The following DOK6 variants were observed in gnomAD, a reference collection of about 807,000 sequenced individuals.
DOK6 encodes the protein downstream of tyrosine kinase 6.
A neutral mutation model predicts 44.0 loss-of-function variants in DOK6; 22 were observed. The observed-to-expected ratio is 0.50, with a 90% CI of 0.36 to 0.71. The LOEUF (loss-of-function observed/expected upper bound fraction) is 0.71. Ranked by LOEUF, DOK6 falls within the 30% of genes least tolerant of loss-of-function variation. The pLI is 0.00. For missense variants in DOK6, 340 were observed against 416.4 expected (o/e 0.82, Z 1.60); for synonymous variants, 166 against 145.5 (o/e 1.14, Z -1.01).
intron 1 of DOK6, among the ~76,000 whole-genome samples, chr18:69,473,107 T>C (rs1287829245): frequency 2.6e-5 from 4 of 152,216 alleles, no homozygotes; most frequent in African/African-American, 9.7e-5. Context: ...TTAATATTTT[T>C]TTATTTTGCA....
intron 1 of DOK6, among the ~76,000 whole-genome samples, chr18:69,402,069 G>C (rs928223280): frequency 6.6e-6 from 1 of 152,162 alleles, no homozygotes; most frequent in African/African-American, 2.4e-5. Flanking sequence ...GGGAGGCAGC[G>C]GGACAGGAGG....
chr18:69,824,447 AATCCTCCT>A (rs1981682467), intron 7 of DOK6, among the ~76,000 whole-genome samples: 1 of 82,896 alleles, frequency 1.2e-5, no homozygotes, highest in Non-Finnish European at 2.8e-5. Context: ...GGGCTCAAGC[AATCCTCCT>A]GCGCTCAAGC....
intron 2 of DOK6, among the ~76,000 whole-genome samples, chr18:69,586,053 G>A (rs938206500): frequency 6.6e-6 from 1 of 152,086 alleles, no homozygotes; most frequent in Non-Finnish European, 1.5e-5. Context: ...AGCAATCCTG[G>A]CCAACTCATG....
At chr18:69,822,144 G>A (rs1242286551) in intron 7 of DOK6, among the ~76,000 whole-genome samples, 1 of 152,114 alleles carries the variant, frequency 6.6e-6, no homozygotes, top group Non-Finnish European at 1.5e-5. Context: ...AGGAATGATG[G>A]CACTGAAACT....
At chr18:69,601,931 A>G (rs1568307950) in intron 3 of DOK6, among the ~76,000 whole-genome samples, 1 of 152,356 alleles carries the variant, frequency 6.6e-6, no homozygotes, top group East Asian at 1.9e-4. Flanking sequence ...AACAATTTGA[A>G]TACTAAAATA....
At chr18:69,524,777 A>G (rs1332210428) in intron 1 of DOK6, among the ~76,000 whole-genome samples, 3 of 151,876 alleles carry the variant, frequency 2.0e-5, no homozygotes, top group Non-Finnish European at 4.4e-5. Context: ...AAACAAAGTA[A>G]TTGTCCAGTA....
intron 1 of DOK6, 64 bp downstream of exon 1, chr18:69,401,374 G>GA: frequency 7.0e-7 from 1 of 1,421,768 alleles, no homozygotes; most frequent in Admixed American, 2.5e-5. Flanking sequence ...CTGCCTGGGG[G>GA]GGGGGCAGGG....
At chr18:69,772,617 G>A (rs1377947079) in intron 7 of DOK6, among the ~76,000 whole-genome samples, 1 of 152,024 alleles carries the variant, frequency 6.6e-6, no homozygotes, top group Non-Finnish European at 1.5e-5. Flanking sequence ...ATGGGGAAAG[G>A]ATAGTCTCTT....
At chr18:69,655,923 G>T (rs1319586321) in intron 3 of DOK6, among the ~76,000 whole-genome samples, 2 of 151,898 alleles carry the variant, frequency 1.3e-5, no homozygotes, top group African/African-American at 4.8e-5. Context: ...GACAGGATTT[G>T]CAATGAAAGA....
At chr18:69,605,084 G>GTGTGTA (rs1983965214) in intron 3 of DOK6, among the ~76,000 whole-genome samples, 1 of 124,130 alleles carries the variant, frequency 8.1e-6, no homozygotes, top group Non-Finnish European at 1.8e-5. Flanking sequence ...CTTTGTGTGT[G>GTGTGTA]TGTGTGTGTG....
chr18:69,792,115 C>T (rs1980618546), intron 7 of DOK6, among the ~76,000 whole-genome samples: 1 of 152,086 alleles, frequency 6.6e-6, no homozygotes, highest in African/African-American at 2.4e-5. Context: ...GTCTATGTGT[C>T]TGTTTTTATG....
At chr18:69,758,406 T>C (rs1382658753) in intron 7 of DOK6, among the ~76,000 whole-genome samples, 1 of 152,136 alleles carries the variant, frequency 6.6e-6, no homozygotes, top group Non-Finnish European at 1.5e-5. Context: ...CCTTTGTACT[T>C]TTTCTAATGA....
chr18:69,704,230 GC>G (rs1013343175), intron 5 of DOK6, among the ~76,000 whole-genome samples: 1 of 152,024 alleles, frequency 6.6e-6, no homozygotes, highest in African/African-American at 2.4e-5. Context: ...GGCCTCCACA[GC>G]CCCCCCACCC....
At chr18:69,553,469 A>C (rs114455757) in intron 1 of DOK6, among the ~76,000 whole-genome samples, 159 of 152,336 alleles carry the variant, frequency 1.0e-3, no homozygotes, top group African/African-American at 3.6e-3. Flanking sequence ...AGATGGGCTG[A>C]AAACAGAGGC....
At position 69,841,651 on chromosome 18, in the gene DOK6, C is replaced by T. The variant is rs1033111379; in HGVS notation, c.*268C>T. The stretch of plus-strand genomic sequence containing the variant: ...AACAGTTATTTAAATAAACAAAATT[C>T]TTTGGGTCTGACAGTAACAGAAACC... On this transcript the variant is annotated 3_prime_UTR_variant, in exon 8 of 8. Transcript: ENST00000382713. 1.8e-5 allele frequency: 7 copies of T among 391,666 alleles called. No homozygotes were observed. Among genetic ancestry groups the T allele is most frequent in the Non-Finnish European group, 2.3e-5 (5 of 220,514 alleles). The allele number at this position is 391,666 out of a possible 1,614,324, so 24.3% of individuals were successfully genotyped here.
chr18:69,778,482 C>T (rs1433060799), intron 7 of DOK6, among the ~76,000 whole-genome samples: 1 of 152,130 alleles, frequency 6.6e-6, no homozygotes, highest in African/African-American at 2.4e-5. Flanking sequence ...ACAAACAAGG[C>T]AATAAACACT....
At chr18:69,504,516 C>T (rs566302290) in intron 1 of DOK6, among the ~76,000 whole-genome samples, 9 of 152,182 alleles carry the variant, frequency 5.9e-5, no homozygotes, top group Non-Finnish European at 1.0e-4. Context: ...CATTATATAG[C>T]TAGCTGGGGA....
At chr18:69,834,646 T>C (rs998401102) in intron 7 of DOK6, among the ~76,000 whole-genome samples, 24 of 152,172 alleles carry the variant, frequency 1.6e-4, no homozygotes, top group African/African-American at 5.5e-4. Context: ...TCTCTCAAAA[T>C]ATATGCAACT....
intron 3 of DOK6, among the ~76,000 whole-genome samples, chr18:69,600,258 T>C (rs532917833): frequency 6.6e-6 from 1 of 152,362 alleles, no homozygotes; most frequent in Admixed American, 6.5e-5. Flanking sequence ...TAGTTTTGTA[T>C]ACTTTGTTTA....
Sources: allele counts gnomAD v4.1 joint callset (sites outside exome capture counted in the v4.1 genomes callset), GRCh38; gene constraint gnomAD v4.1.1; transcripts MANE v1.5; gene names NCBI Gene and HGNC (gene_info 2026-07-23, HGNC 2026-07-21).